Variants in AGBL1 observed in about 807,000 individuals in gnomAD.
AGBL1 encodes the protein AGBL carboxypeptidase 1, also known as cytosolic carboxypeptidase 4.
In AGBL1, 130 loss-of-function variants were observed where a neutral mutation model predicts 118.9. The observed-to-expected ratio is 1.09, with a 90% CI of 0.95 to 1.26. AGBL1 has a LOEUF of 1.26. Among genes scored for constraint, AGBL1 ranks in the 50% most tolerant of loss-of-function variants. The pLI, the probability that AGBL1 is intolerant of heterozygous loss-of-function variation, is 0.00. For missense variants in AGBL1, 1,584 were observed against 1,298.1 expected (o/e 1.22, Z -3.38); for synonymous variants, 555 against 478.9 (o/e 1.16, Z -2.08).
At chr15:86,482,381 C>T (rs1046920133) in intron 18 of AGBL1, among the ~76,000 whole-genome samples, 1 of 152,126 alleles carries the variant, frequency 6.6e-6, no homozygotes, top group South Asian at 2.1e-4. Context: ...CATGCTTTAT[C>T]CCCAGGAGTG....
chr15:86,158,096 T>G (rs898224584), intron 4 of AGBL1, among the ~76,000 whole-genome samples: 6 of 152,178 alleles, frequency 3.9e-5, no homozygotes, highest in African/African-American at 1.4e-4. Flanking sequence ...AGGACTAGGA[T>G]GCCAAATCTC....
chr15:86,345,191 GGA>G (rs908978335), intron 17 of AGBL1, among the ~76,000 whole-genome samples: 2 of 151,718 alleles, frequency 1.3e-5, no homozygotes, highest in Non-Finnish European at 2.9e-5. Context: ...CATGCGTTTA[GGA>G]GAGAGAGAGA....
intron 22 of AGBL1, among the ~76,000 whole-genome samples, chr15:86,813,642 C>T (rs1314954509): frequency 6.6e-6 from 1 of 152,064 alleles, no homozygotes; most frequent in Non-Finnish European, 1.5e-5. Context: ...TCTCATTTCT[C>T]GTGGGTGGCA....
chr15:86,660,798 A>AT (rs2085525825), intron 21 of AGBL1, among the ~76,000 whole-genome samples: 1 of 152,118 alleles, frequency 6.6e-6, no homozygotes, highest in Non-Finnish European at 1.5e-5. Context: ...AGCCATGCGT[A>AT]AATCTGCAGA....
chr15:86,392,679 T>C (rs1176606665), intron 17 of AGBL1, among the ~76,000 whole-genome samples: 1 of 152,190 alleles, frequency 6.6e-6, no homozygotes, highest in Admixed American at 6.5e-5. Context: ...AGGCCTGATA[T>C]CTCTTAGGCA....
chr15:86,659,704 T>C (rs1418230498), intron 21 of AGBL1, among the ~76,000 whole-genome samples: 2 of 152,264 alleles, frequency 1.3e-5, no homozygotes, highest in Admixed American at 1.3e-4. Flanking sequence ...TAAACAAGGT[T>C]GGAGGCAGGC....
Position 86,435,271 on chromosome 15 carries a change from C to T in AGBL1, c.2555+37725C>T, listed in dbSNP as rs1272138894. On this transcript the variant is annotated intron_variant, in intron 18 of 22. Coordinates refer to ENST00000614907, the MANE Select transcript of AGBL1 (RefSeq NM_001386094.1). ...GTTCTTGATGTTTTCACTGTTTTAG[C>T]TCTGAGTTGAGGTTATGCTGAAGGC... 2.0e-5 allele frequency among the ~76,000 whole-genome samples: 3 copies of T among 152,094 alleles called. No individual in the cohort carries two copies. In the East Asian group the frequency reaches 5.8e-4, roughly 29 times the overall value.
intron 22 of AGBL1, among the ~76,000 whole-genome samples, chr15:86,739,765 A>G (rs1461458495): frequency 6.6e-6 from 1 of 152,192 alleles, no homozygotes; most frequent in Non-Finnish European, 1.5e-5. Flanking sequence ...ACTGGAAACA[A>G]GGGAGGATGC....
At chr15:86,994,978 G>C (rs549319792) in intron 24 of AGBL1, among the ~76,000 whole-genome samples, 1 of 152,172 alleles carries the variant, frequency 6.6e-6, no homozygotes, top group Non-Finnish European at 1.5e-5. Flanking sequence ...AGCTATGTTG[G>C]TGCTGAGCTG....
chr15:86,485,293 G>A (rs1242533482), intron 18 of AGBL1, among the ~76,000 whole-genome samples: 2 of 152,142 alleles, frequency 1.3e-5, no homozygotes, highest in African/African-American at 4.8e-5. Context: ...AGTTTGAAGA[G>A]TGCTGCTCAA....
intron 21 of AGBL1, among the ~76,000 whole-genome samples, chr15:86,657,710 A>G (rs2085482613): frequency 6.6e-6 from 1 of 152,124 alleles, no homozygotes; most frequent in African/African-American, 2.4e-5. Context: ...TGCTTGCTCC[A>G]AACTTAAGGT....
intron 23 of AGBL1, among the ~76,000 whole-genome samples, chr15:86,956,894 C>T (rs2080937089): frequency 6.6e-6 from 1 of 152,090 alleles, no homozygotes; most frequent in Admixed American, 6.6e-5. Context: ...GTTAAACATG[C>T]AGCATATAAC....
Position 86,798,759 on chromosome 15 carries a change from C to T in AGBL1, c.3159-108328C>T, listed in dbSNP as rs986666880. ...CAACTAGATCTGCTAGGTTGAGGAGCCCAGAGTCCCATATATTTAGAGAGC... is the reference window on the plus strand; with the variant it reads ...CAACTAGATCTGCTAGGTTGAGGAGTCCAGAGTCCCATATATTTAGAGAGC... On this transcript the variant is annotated intron_variant, in intron 22 of 22. Coordinates refer to ENST00000614907, the MANE Select transcript of AGBL1 (RefSeq NM_001386094.1). Among the ~76,000 whole-genome samples, 7 of 149,264 alleles carry T rather than the reference C, an allele frequency of 4.7e-5. No individual in the cohort carries two copies. The East Asian group carries it at 1.4e-3, about 29-fold the overall frequency.
chr15:86,293,647 G>A (rs1037003696), intron 16 of AGBL1, among the ~76,000 whole-genome samples: 16 of 152,166 alleles, frequency 1.1e-4, no homozygotes, highest in African/African-American at 3.6e-4. Flanking sequence ...AGGTGAGAAC[G>A]TGAACATCTT....
intron 22 of AGBL1, among the ~76,000 whole-genome samples, chr15:86,677,479 G>A (rs2085869299): frequency 6.6e-6 from 1 of 152,056 alleles, no homozygotes; most frequent in Non-Finnish European, 1.5e-5. Context: ...GCTTCTTCAG[G>A]AGGAGCCGTT....
intron 22 of AGBL1, among the ~76,000 whole-genome samples, chr15:86,875,914 C>T (rs866123538): frequency 6.6e-6 from 1 of 152,174 alleles, no homozygotes; most frequent in African/African-American, 2.4e-5. Flanking sequence ...GATCAATCCT[C>T]AAGCATCAGG....
chr15:86,377,954 T>C (rs1183518422), intron 17 of AGBL1, among the ~76,000 whole-genome samples: 1 of 152,150 alleles, frequency 6.6e-6, no homozygotes, highest in Non-Finnish European at 1.5e-5. Context: ...AGAGAGACCA[T>C]TAAAACAAAT....
chr15:86,094,296 C>G (rs983629885), intron 1 of AGBL1, among the ~76,000 whole-genome samples: 1 of 152,048 alleles, frequency 6.6e-6, no homozygotes, highest in Non-Finnish European at 1.5e-5. Context: ...TTTGTAGCAG[C>G]CTTTGGCATT....
chr15:86,396,287 CAA>C (rs370401517), intron 17 of AGBL1, among the ~76,000 whole-genome samples: 1 of 146,716 alleles, frequency 6.8e-6, no homozygotes, highest in African/African-American at 2.5e-5. Context: ...GTAAATGAAT[CAA>C]AACACATTTT....
Sources: allele counts gnomAD v4.1 joint callset (sites outside exome capture counted in the v4.1 genomes callset), GRCh38; gene constraint gnomAD v4.1.1; transcripts MANE v1.5; gene names NCBI Gene and HGNC (gene_info 2026-07-23, HGNC 2026-07-21).